Variants in TMEM178B observed in about 807,000 individuals in gnomAD.
The protein encoded by TMEM178B is transmembrane protein 178B.
In TMEM178B, 5 loss-of-function variants were observed where a neutral mutation model predicts 31.0. That is an observed-to-expected ratio of 0.16 (90% CI 0.08 to 0.34). The LOEUF is 0.34. Among genes scored for constraint, TMEM178B ranks in the 10% least tolerant of loss-of-function variants. The pLI is 1.00. For missense variants in TMEM178B, 275 were observed against 400.3 expected (o/e 0.69, Z 2.67); for synonymous variants, 164 against 164.0 (o/e 1.00, Z 0.00).
chr7:141,183,706 T>G (rs367685916), intron 1 of TMEM178B, among the ~76,000 whole-genome samples: 2 of 152,220 alleles, frequency 1.3e-5, no homozygotes, highest in East Asian at 3.8e-4. Context: ...CTTACTTTTC[T>G]CAACCCAGCA....
chr7:141,369,351 G>GTGTGTGTA (rs1241994327), intron 2 of TMEM178B, among the ~76,000 whole-genome samples: 1 of 146,166 alleles, frequency 6.8e-6, no homozygotes, highest in African/African-American at 2.6e-5. Flanking sequence ...GTGTGTGTGT[G>GTGTGTGTA]TGTGTGTATG....
intron 2 of TMEM178B, among the ~76,000 whole-genome samples, chr7:141,321,197 C>T (rs571566854): frequency 6.6e-6 from 1 of 152,310 alleles, no homozygotes; most frequent in South Asian, 2.1e-4. Context: ...CCCTGATGAT[C>T]TCTAGAATTG....
chr7:141,335,670 C>G (rs529282679), intron 2 of TMEM178B, among the ~76,000 whole-genome samples: 19 of 152,288 alleles, frequency 1.2e-4, no homozygotes, highest in South Asian at 1.0e-3. Context: ...ACCTCTCCCC[C>G]ATTAGCGCAA....
chr7:141,109,693 A>T (rs768667361), intron 1 of TMEM178B, among the ~76,000 whole-genome samples: 7 of 152,208 alleles, frequency 4.6e-5, no homozygotes, highest in Non-Finnish European at 8.8e-5. Flanking sequence ...AAGAAAAGTA[A>T]GTCCCATGGT....
chr7:141,336,937 CACCACCATCACCACCACCACCATCACT>C (rs1799409479), intron 2 of TMEM178B, among the ~76,000 whole-genome samples: 1 of 130,402 alleles, frequency 7.7e-6, no homozygotes, highest in Non-Finnish European at 1.6e-5. Context: ...CCACCATCAC[CACCACCATCACCACCACCACCATCACT>C]ACCACCACCA....
At position 141,471,182 on chromosome 7, in the gene TMEM178B, A is replaced by G. The variant is rs1802235546; in HGVS notation, c.*396A>G. 6.6e-6 allele frequency: 1 copy of G among 152,178 alleles called. No individual in the cohort carries two copies. Among genetic ancestry groups the G allele is most frequent in the Non-Finnish European group, 1.5e-5 (1 of 68,060 alleles). The allele number at this position is 152,178 out of a possible 1,614,324, so 9.4% of individuals were successfully genotyped here. A position where few individuals can be genotyped will look rare whatever the true frequency, so the allele number is the denominator to read the frequency against. On this transcript the variant is annotated 3_prime_UTR_variant, in exon 4 of 4. Transcript: ENST00000565468. This position sits in a 1 kb window ranked among gnomAD's most constrained non-coding sequence, Gnocchi z 4.1. ...GACGCCACCCCTAACCAGTCATATC[A>G]CAGGGTAACAAAGCCCTCAGTTCCT...
intron 2 of TMEM178B, among the ~76,000 whole-genome samples, chr7:141,303,736 T>TG (rs1219987365): frequency 6.6e-6 from 1 of 152,190 alleles, no homozygotes; most frequent in East Asian, 1.9e-4. Context: ...TTGAATGTTT[T>TG]GGGGGTAAGA....
intron 2 of TMEM178B, among the ~76,000 whole-genome samples, chr7:141,315,103 G>C (rs1292144627): frequency 6.6e-6 from 1 of 152,178 alleles, no homozygotes; most frequent in East Asian, 1.9e-4. Flanking sequence ...GCCCAGGCCT[G>C]CATCATAGTT....
intron 1 of TMEM178B, among the ~76,000 whole-genome samples, chr7:141,132,041 A>G (rs1039020105): frequency 6.6e-6 from 1 of 151,798 alleles, no homozygotes; most frequent in African/African-American, 2.4e-5. Flanking sequence ...ATATAATTTC[A>G]CTCCTCTTTC....
intron 2 of TMEM178B, among the ~76,000 whole-genome samples, chr7:141,426,529 T>C (rs1001511468): frequency 2.0e-5 from 3 of 152,064 alleles, no homozygotes; most frequent in African/African-American, 7.2e-5. Flanking sequence ...ACTTGACAGA[T>C]GGAGCCAGTG....
intron 1 of TMEM178B, among the ~76,000 whole-genome samples, chr7:141,163,767 A>G (rs540304754): frequency 6.6e-6 from 1 of 151,900 alleles, no homozygotes; most frequent in Non-Finnish European, 1.5e-5. Flanking sequence ...GCCTGCCTCA[A>G]CCTCCCAAAG....
intron 2 of TMEM178B, among the ~76,000 whole-genome samples, chr7:141,281,087 C>A (rs1798350882): frequency 6.6e-6 from 1 of 151,728 alleles, no homozygotes; most frequent in Non-Finnish European, 1.5e-5. Flanking sequence ...TGTCAAAATT[C>A]TGTGAAGGGC....
intron 1 of TMEM178B, among the ~76,000 whole-genome samples, chr7:141,201,049 G>A (rs1011579760): frequency 2.9e-4 from 44 of 152,056 alleles, no homozygotes; most frequent in Admixed American, 2.0e-4. Flanking sequence ...CCTACACTGA[G>A]GTAACAAACC....
At chr7:141,075,479 AATTT>A (rs1460631469) in intron 1 of TMEM178B, among the ~76,000 whole-genome samples, 7 of 152,364 alleles carry the variant, frequency 4.6e-5, no homozygotes, top group Non-Finnish European at 1.0e-4. Context: ...TAATGATAAA[AATTT>A]ATTTGATACT....
At chr7:141,085,576 T>C (rs1794770561) in intron 1 of TMEM178B, among the ~76,000 whole-genome samples, 1 of 152,148 alleles carries the variant, frequency 6.6e-6, no homozygotes, top group Admixed American at 6.5e-5. Flanking sequence ...AATGCCCTGC[T>C]GTTCTATATT....
chr7:141,191,877 G>A (rs1796702320), intron 1 of TMEM178B, among the ~76,000 whole-genome samples: 2 of 152,044 alleles, frequency 1.3e-5, no homozygotes, highest in South Asian at 4.1e-4. Flanking sequence ...TGGATTTTGG[G>A]TTATAGTTAC....
chr7:141,173,418 G>A (rs1226306456), intron 1 of TMEM178B, among the ~76,000 whole-genome samples: 3 of 152,232 alleles, frequency 2.0e-5, no homozygotes, highest in Non-Finnish European at 4.4e-5. Context: ...AGAGTTGAAC[G>A]AGTCAGTTAC....
At chr7:141,390,719 A>G (rs1460185461) in intron 2 of TMEM178B, among the ~76,000 whole-genome samples, 1 of 152,170 alleles carries the variant, frequency 6.6e-6, no homozygotes, top group Non-Finnish European at 1.5e-5. Context: ...CCCAGTTACG[A>G]CCTTTAGCTC....
chr7:141,294,536 G>A (rs1012352936), intron 2 of TMEM178B, among the ~76,000 whole-genome samples: 3 of 152,264 alleles, frequency 2.0e-5, no homozygotes, highest in East Asian at 1.9e-4. Context: ...TTTCTCAGCC[G>A]TTACAGCTTT....
Sources: gnomAD v4.1 joint callset for allele counts (sites outside exome capture counted in the v4.1 genomes callset) on GRCh38, gnomAD v4.1.1 for gene constraint, Gnocchi (gnomAD v3.1) non-coding constraint, MANE v1.5 for transcripts, NCBI Gene and HGNC (gene_info 2026-07-23, HGNC 2026-07-21) for gene names.